The following NUP160 variants were observed in gnomAD, a reference collection of about 807,000 sequenced individuals.
The protein encoded by NUP160 is nuclear pore complex protein Nup160.
In NUP160, 94 loss-of-function variants were observed where a neutral mutation model predicts 196.9. The ratio of observed to expected loss-of-function variants is 0.48; its 90% confidence interval spans 0.40 to 0.57. The LOEUF (loss-of-function observed/expected upper bound fraction) is 0.57. Ranked by LOEUF, NUP160 falls within the 20% of genes least tolerant of loss-of-function variation. NUP160 has a pLI of 0.00. For synonymous variants in NUP160, 605 were observed against 619.7 expected (o/e 0.98, Z 0.35); for missense variants, 1,638 against 1,748.3 (o/e 0.94, Z 1.13).
intron 35 of NUP160, chr11:47,779,428 A>T (rs1346203540): frequency 2.1e-6 from 1 of 486,710 alleles, no homozygotes; most frequent in Non-Finnish European, 3.8e-6. Context: ...TTTTCTAAGT[A>T]TGGAAATCGT....
chr11:47,786,667 T>C lies in NUP160; in HGVS notation c.3747-113A>G, dbSNP rs562524623. ...ACTTCATCTCTAGTCTTTTGCTGAA[T>C]TCACTACTGGAATATTGGCTCATCT... On this transcript the variant is annotated intron_variant, in intron 31 of 35. Transcript: ENST00000378460. The C allele has an allele frequency of 1.9e-5, 13 of 675,464 alleles. No individual in the cohort carries two copies. The Admixed American group carries it at 2.6e-4, about 14-fold the overall frequency. The allele number at this position is 675,464 out of a possible 1,614,324, so 41.8% of individuals were successfully genotyped here. A position where few individuals can be genotyped will look rare whatever the true frequency, so the allele number is the denominator to read the frequency against.
intron 7 of NUP160, among the ~76,000 whole-genome samples, chr11:47,823,022 A>G (rs1851896217): frequency 6.6e-6 from 1 of 152,228 alleles, no homozygotes; most frequent in Admixed American, 6.5e-5. Context: ...TAGTGCCACA[A>G]TAAATATATG....
intron 9 of NUP160, among the ~76,000 whole-genome samples, chr11:47,819,886 C>T (rs991507417): frequency 3.3e-5 from 5 of 152,196 alleles, no homozygotes; most frequent in Non-Finnish European, 7.3e-5. Context: ...CACAGATGTA[C>T]ACAGTGAGGC....
intron 19 of NUP160, among the ~76,000 whole-genome samples, chr11:47,806,790 TACACACACACACACACACACAC>T (rs57141346): frequency 1.8e-3 from 197 of 111,894 alleles, no homozygotes; most frequent in Middle Eastern, 5.2e-3. Context: ...AAAGCAGCTA[TACACACACACACACACACACAC>T]ACACACACAC....
chr11:47,791,836 A>G lies in NUP160; in HGVS notation c.3511+94T>C. The G allele has an allele frequency of 3.5e-6, 3 of 857,396 alleles. No homozygotes were observed. The South Asian group carries it at 4.6e-5, about 13-fold the overall frequency. 53.1% of individuals were successfully genotyped at this position (857,396 alleles called of 1,614,324 possible). A position where few individuals can be genotyped will look rare whatever the true frequency, so the allele number is the denominator to read the frequency against. On this transcript the variant is annotated intron_variant, in intron 29 of 35. Coordinates refer to ENST00000378460, the Ensembl canonical transcript of NUP160. ...ACATTTATATATTACTATTATATGTAGCTTATTTAACTACATATTTCTATC... is the reference window on the plus strand; with the variant it reads ...ACATTTATATATTACTATTATATGTGGCTTATTTAACTACATATTTCTATC...
At chr11:47,783,866 G>C (rs7925211) in intron 33 of NUP160, among the ~76,000 whole-genome samples, 88,062 of 151,744 alleles carry the variant, frequency 0.58, 25,841 homozygotes, top group Admixed American at 0.65. Flanking sequence ...GATAATTTTT[G>C]TATTTTTAGT....
intron 32 of NUP160, 37 bp from the exon 33 acceptor site, chr11:47,785,100 TC>T (rs1245480801): frequency 3.6e-6 from 4 of 1,114,354 alleles, no homozygotes; most frequent in Non-Finnish European, 5.0e-6. Flanking sequence ...AGTTTCAGAT[TC>T]TTAATAGCTA....
intron 2 of NUP160, among the ~76,000 whole-genome samples, chr11:47,843,526 C>T (rs751067006): frequency 5.3e-5 from 8 of 152,176 alleles, no homozygotes; most frequent in Non-Finnish European, 8.8e-5. Context: ...GGTTCAGTCC[C>T]AGACTGCTCT....
chr11:47,788,556 C>G lies in NUP160; in HGVS notation c.3567G>C (p.Leu1189Phe), dbSNP rs202064082. ...GAGCCAAAGTGAGGCGGATGCGAGC[C>G]AAGGAACACTCTTTCTCCAGATCTT... is the stretch of plus-strand genomic sequence containing the variant. The change falls in exon 30 of 36, where the codon TTG (leucine) becomes TTC (phenylalanine). Residue 1189 changes from leucine to phenylalanine, a missense_variant. By Grantham distance (22) the Leu-to-Phe change is conservative (BLOSUM62 0). Around this residue, in one of 3 missense-constraint regions of NUP160, gnomAD observed 1,345 missense variants for 1,470.2 expected, o/e 0.91. Coordinates refer to ENST00000378460, the Ensembl canonical transcript of NUP160. 2.5e-4 allele frequency: 406 copies of G among 1,613,894 alleles called. No homozygotes were observed. The highest frequency in any genetic ancestry group is 3.2e-4 in the Non-Finnish European group (373 of 1,179,998).
chr11:47,812,861 C>T, intron 15 of NUP160, 21 bp downstream of exon 15: 2 of 1,589,752 alleles, frequency 1.3e-6, no homozygotes, highest in Non-Finnish European at 1.7e-6. Flanking sequence ...AGGAAATGCA[C>T]TTTACCCTAA....
In NUP160 at chr11:47,782,306, A is replaced by T. The variant is rs1441581542; in HGVS notation, c.4116+767T>A. Among the ~76,000 whole-genome samples the T allele has an allele frequency of 1.9e-4, 8 of 42,322 alleles. 1 individual carries two copies. Among genetic ancestry groups the T allele is most frequent in the African/African-American group, 7.9e-4 (7 of 8,906 alleles). The allele number at this position is 42,322 out of a possible 152,430, so 27.8% of individuals were successfully genotyped here. ...AACTCAGTTAAAAAAAAAAAAAAAT[A>T]TATATATATATATATATATATATAT... On this transcript the variant is annotated intron_variant, in intron 34 of 35. Transcript: ENST00000378460.
intron 27 of NUP160, 25 bp from the exon 28 acceptor site, chr11:47,792,971 T>G: frequency 6.3e-7 from 1 of 1,584,958 alleles, no homozygotes; most frequent in East Asian, 2.2e-5. Flanking sequence ...TAAATTAGAC[T>G]TTAGAACTTC....
At chr11:47,837,880 G>A (rs1599347413) in intron 4 of NUP160, among the ~76,000 whole-genome samples, 1 of 152,152 alleles carries the variant, frequency 6.6e-6, no homozygotes, top group East Asian at 1.9e-4. Context: ...TTGCCACCCG[G>A]CAGAATCACT....
chr11:47,801,873 G>T, exon 23 of NUP160: 4 of 1,613,600 alleles, frequency 2.5e-6, no homozygotes, highest in Non-Finnish European at 3.4e-6. Flanking sequence ...CGAATCAAGC[G>T]ATCCAAGAAT....
chr11:47,818,707 T>G (rs143050844), intron 10 of NUP160, among the ~76,000 whole-genome samples: 26 of 152,258 alleles, frequency 1.7e-4, no homozygotes, highest in East Asian at 1.4e-3. Flanking sequence ...TCATTCAAGT[T>G]TCCTTCCTTC....
At chr11:47,806,706 A>T (rs574986237) in intron 19 of NUP160, among the ~76,000 whole-genome samples, 38 of 152,130 alleles carry the variant, frequency 2.5e-4, no homozygotes, top group African/African-American at 8.4e-4. Flanking sequence ...GTTGACTAAG[A>T]TTACAAAAGT....
chr11:47,846,885 T>C (rs553646030), intron 2 of NUP160, among the ~76,000 whole-genome samples: 101 of 152,328 alleles, frequency 6.6e-4, no homozygotes, highest in African/African-American at 2.2e-3. Flanking sequence ...CAGTATCCGA[T>C]AGGTTTTCCA....
chr11:47,840,672 G>C, intron 2 of NUP160, 84 bp from the exon 3 acceptor site: 1 of 1,117,736 alleles, frequency 8.9e-7, no homozygotes, highest in Non-Finnish European at 1.3e-6. Flanking sequence ...CAGTGTCCAA[G>C]TGAACTCACC....
At chr11:47,840,759 A>G (rs112963263) in intron 2 of NUP160, among the ~76,000 whole-genome samples, 171 bp from the exon 3 acceptor site, 2 of 152,250 alleles carry the variant, frequency 1.3e-5, no homozygotes, top group African/African-American at 2.4e-5. Context: ...TATAAAAAAC[A>G]GCATAACAAA....
Sources: gnomAD v4.1 joint callset for allele counts (sites outside exome capture counted in the v4.1 genomes callset) on GRCh38, gnomAD v4.1.1 for gene constraint, gnomAD v4.1.1 regional missense constraint, MANE v1.5 for transcripts, NCBI Gene and HGNC (gene_info 2026-07-23, HGNC 2026-07-21) for gene names.